The following CLEC2A variants were observed in gnomAD, a reference collection of about 807,000 sequenced individuals.
CLEC2A encodes keratinocyte-associated C-type lectin.
Under a neutral mutation model 18.6 loss-of-function variants are expected in CLEC2A, and 19 were observed. The observed-to-expected ratio is 1.02, with a 90% CI of 0.71 to 1.50. The LOEUF (loss-of-function observed/expected upper bound fraction) is 1.50, where lower values mean the gene tolerates loss of function less well. Ranked by LOEUF, CLEC2A falls within the 40% of genes most tolerant of loss-of-function variation. The pLI is 0.00. For synonymous variants in CLEC2A, 74 were observed against 64.0 expected, an observed-to-expected ratio of 1.16 and a Z score of -0.75; for missense variants, 190 against 207.9, an observed-to-expected ratio of 0.91 and a Z score of 0.53.
intron 2 of CLEC2A, among the ~76,000 whole-genome samples, chr12:9,923,955 C>A (rs919234406): frequency 6.6e-6 from 1 of 151,600 alleles, no homozygotes; most frequent in African/African-American, 2.4e-5. Context: ...GAGGGATAGC[C>A]CCCCTGTCGT....
intron 2 of CLEC2A, among the ~76,000 whole-genome samples, chr12:9,925,276 A>T (rs1398922937): frequency 1.3e-5 from 2 of 152,254 alleles, no homozygotes; most frequent in Non-Finnish European, 2.9e-5. Context: ...AAGATTTTGC[A>T]TTCCAACTAA....
At chr12:9,885,294 A>G in the CLEC2A span, among the ~76,000 whole-genome samples, 2 of 150,666 alleles carry the variant, frequency 1.3e-5, no homozygotes, top group South Asian at 2.1e-4. Context: ...CTAAAAGAGT[A>G]TGTGCTCATT....
intron 4 of CLEC2A, among the ~76,000 whole-genome samples, chr12:9,906,740 A>G (rs1486245708): frequency 6.6e-6 from 1 of 152,138 alleles, no homozygotes; most frequent in Non-Finnish European, 1.5e-5. Context: ...TTTTCCCTCA[A>G]TTACCTGGGA....
intron 4 of CLEC2A, among the ~76,000 whole-genome samples, chr12:9,901,864 A>G (rs1426118382): frequency 6.7e-6 from 1 of 149,324 alleles, no homozygotes; most frequent in Non-Finnish European, 1.5e-5. Flanking sequence ...CCATAGGAAA[A>G]CCTTGTTATG....
chr12:9,888,617 A>G, the CLEC2A span: 1 of 588,802 alleles, frequency 1.7e-6, no homozygotes, highest in Admixed American at 2.6e-5. Flanking sequence ...AGGAGAAGAG[A>G]AACTCACAAT....
chr12:9,924,607 T>G (rs1038687672), intron 2 of CLEC2A, among the ~76,000 whole-genome samples: 5 of 152,174 alleles, frequency 3.3e-5, no homozygotes, highest in Admixed American at 2.0e-4. Flanking sequence ...CTTTGGATCT[T>G]TTTCACAAAA....
downstream of CLEC2A, among the ~76,000 whole-genome samples, chr12:9,896,665 T>C (rs1055085408): frequency 6.6e-6 from 1 of 152,160 alleles, no homozygotes; most frequent in African/African-American, 2.4e-5. Flanking sequence ...TAAAGCTTTA[T>C]TGAGGTCAAA....
rs143426562 is a variant in CLEC2A at position 9,915,225 on chromosome 12, G to A, written c.410+1475C>T. Among the ~76,000 whole-genome samples, 251 of 152,218 alleles carry A rather than the reference G, an allele frequency of 1.6e-3. 5 individuals are homozygous for A. In the East Asian group the frequency reaches 0.038, roughly 23 times the overall value. On this transcript the variant is annotated intron_variant, in intron 4 of 4. Coordinates refer to ENST00000455827, the MANE Select transcript of CLEC2A (RefSeq NM_001130711.2). ...CTAAAGATGCTGGTGAGGCTGTGGC[G>A]AGATAGGAATGCTTATACACTGCTG...
At chr12:9,879,838 C>G in the CLEC2A span, among the ~76,000 whole-genome samples, 1 of 152,192 alleles carries the variant, frequency 6.6e-6, no homozygotes, top group African/African-American at 2.4e-5. Flanking sequence ...CATTTTATCA[C>G]AAACATAATT....
Position 9,913,480 on chromosome 12 carries a change from A to G in CLEC2A, c.*86T>C, listed in dbSNP as rs1863018957. The G allele has an allele frequency of 2.0e-6, 3 of 1,473,694 alleles. No individual in the cohort carries two copies. The highest frequency in any genetic ancestry group is 5.1e-5 in the Admixed American group (2 of 39,344). The allele number at this position is 1,473,694 out of a possible 1,614,324, so 91.3% of individuals were successfully genotyped here. On this transcript the variant is annotated 3_prime_UTR_variant, in exon 5 of 5. Transcript: ENST00000455827. ...CTCACCAGAGGTTCCGTATTCTGTA[A>G]CAGAATAAGTGAGAAAGCCACTTTT...
Position 9,927,100 on chromosome 12 carries a change from G to A in CLEC2A, c.56-757C>T, listed in dbSNP as rs73247989. On this transcript the variant is annotated intron_variant, in intron 1 of 4. Coordinates refer to ENST00000455827, the MANE Select transcript of CLEC2A (RefSeq NM_001130711.2). ...AATGGGGAGATATTTTGAGAAATGT[G>A]CCTTTAGGTGATTGTGTCATTGTTG... Among the ~76,000 whole-genome samples the A allele has an allele frequency of 7.1e-3, 1,081 of 152,122 alleles. 20 individuals are homozygous for A. The highest frequency in any genetic ancestry group is 0.025 in the African/African-American group (1,058 of 41,504).
intron 4 of CLEC2A, among the ~76,000 whole-genome samples, chr12:9,904,197 T>A (rs756617515): frequency 6.6e-6 from 1 of 152,160 alleles, no homozygotes; most frequent in Admixed American, 6.5e-5. Flanking sequence ...GGAAGCTGGA[T>A]GGACCTCGGG....
the CLEC2A span, chr12:9,885,067 C>A: frequency 1.2e-6 from 1 of 808,228 alleles, no homozygotes; most frequent in Non-Finnish European, 1.7e-6. Flanking sequence ...TGAACATTTT[C>A]AGAAGATAAA....
chr12:9,893,104 A>G, the CLEC2A span: 4 of 1,535,690 alleles, frequency 2.6e-6, no homozygotes, highest in South Asian at 4.8e-5. Flanking sequence ...ACGTGGAAAG[A>G]GAGTCAACGT....
chr12:9,896,481 T>G (rs1039856336), downstream of CLEC2A, among the ~76,000 whole-genome samples: 1 of 151,802 alleles, frequency 6.6e-6, no homozygotes, highest in Non-Finnish European at 1.5e-5. Flanking sequence ...AATCCGTGCA[T>G]GTAAATTAAG....
At chr12:9,881,793 T>C in the CLEC2A span, 1 of 720,906 alleles carries the variant, frequency 1.4e-6, no homozygotes, top group South Asian at 2.0e-5. Context: ...TCATAAATTG[T>C]CTGTTAGATT....
chr12:9,929,439 T>G (rs918685145), intron 1 of CLEC2A, among the ~76,000 whole-genome samples: 11 of 152,152 alleles, frequency 7.2e-5, no homozygotes. Context: ...AAAAAAGAAT[T>G]TTTCTATTCC....
intron 1 of CLEC2A, 68 bp downstream of exon 1, chr12:9,932,207 T>G: frequency 8.6e-7 from 1 of 1,166,590 alleles, no homozygotes; most frequent in Admixed American, 2.0e-5. Flanking sequence ...GAGTCCATAT[T>G]TTTAAGCTGT....
Position 9,913,639 on chromosome 12 carries a change from G to C in CLEC2A, c.452C>G (p.Ala151Gly), listed in dbSNP as rs755360875. 6.5e-7 allele frequency: 1 copy of C among 1,549,634 alleles called. No homozygotes were observed. Among genetic ancestry groups the C allele is most frequent in the South Asian group, 1.2e-5 (1 of 83,944 alleles). ...IGNGSFAFLS[A>G]DGVHSSRGFI... Reference sequence around the variant, plus strand: ...TCCTCTGGAACTATGGACTCCATCAGCACTCAAGAAAGCAAAGGATCCGTT... The same window carrying C: ...TCCTCTGGAACTATGGACTCCATCACCACTCAAGAAAGCAAAGGATCCGTT... Residue 151 changes from alanine (A) to glycine (G), a missense_variant, in exon 5 of 5, where the codon GCT becomes GGT. Physicochemically the swap from Ala to Gly is moderately conservative, Grantham distance 60. Coordinates refer to ENST00000455827, the MANE Select transcript of CLEC2A (RefSeq NM_001130711.2).
Sources: gnomAD v4.1 joint callset for allele counts (sites outside exome capture counted in the v4.1 genomes callset) on GRCh38, gnomAD v4.1.1 for gene constraint, MANE v1.5 for transcripts, NCBI Gene and HGNC (gene_info 2026-07-23, HGNC 2026-07-21) for gene names.